The following RUNX3 variants were observed in gnomAD, a reference collection of about 807,000 sequenced individuals.
RUNX3 encodes RUNX family transcription factor 3, also known as runt-related transcription factor 3.
A neutral mutation model predicts 27.7 loss-of-function variants in RUNX3; 10 were observed. The ratio of observed to expected loss-of-function variants is 0.36; its 90% CI spans 0.22 to 0.61. RUNX3 has a LOEUF of 0.61. Ranked by LOEUF, RUNX3 falls within the 20% of genes least tolerant of loss-of-function variation. The pLI is 0.72. For missense variants in RUNX3, 469 were observed against 629.5 expected (o/e 0.75, Z 2.73); for synonymous variants, 270 against 269.2 (o/e 1.00, Z -0.03).
chr1:24,933,824 C>T (rs1225588716), upstream of RUNX3, among the ~76,000 whole-genome samples: 1 of 152,212 alleles, frequency 6.6e-6, no homozygotes, highest in Non-Finnish European at 1.5e-5. Context: ...CCTCTGTTCC[C>T]CATATCCCGA....
chr1:24,950,270 A>C (rs1434956876), intron 2 of RUNX3, among the ~76,000 whole-genome samples: 1 of 152,186 alleles, frequency 6.6e-6, no homozygotes, highest in Non-Finnish European at 1.5e-5. Flanking sequence ...CTTGTGCAGA[A>C]AGTGCAGACC....
chr1:24,902,068 G>T lies in RUNX3; in HGVS notation c.*54C>A. 1 of 1,437,698 alleles carries T rather than the reference G, an allele frequency of 7.0e-7. No homozygotes were observed. Among genetic ancestry groups the T allele is most frequent in the East Asian group, 2.5e-5 (1 of 40,536 alleles). 89.1% of individuals were successfully genotyped at this position (1,437,698 alleles called of 1,614,324 possible). A position where few individuals can be genotyped will look rare whatever the true frequency, so the allele number is the denominator to read the frequency against. ...GAGCCTCGGAGCCGGCCCATCACTG[G>T]TCTTGAAGGTTGTTAGGGTCCCCGC... On this transcript the variant is annotated 3_prime_UTR_variant, in exon 5 of 5. Coordinates refer to ENST00000308873, the MANE Select transcript of RUNX3 (RefSeq NM_004350.3). This position sits in a 1 kb window ranked among gnomAD's most constrained non-coding sequence, Gnocchi z 9.2.
chr1:24,960,907 T>G (rs1642093401), intron 2 of RUNX3, among the ~76,000 whole-genome samples: 1 of 151,770 alleles, frequency 6.6e-6, no homozygotes, highest in African/African-American at 2.4e-5. Flanking sequence ...GGAGAATAAA[T>G]CCCCCTTGTC....
At chr1:24,960,884 AT>A (rs2124389086) in intron 2 of RUNX3, among the ~76,000 whole-genome samples, 1 of 152,134 alleles carries the variant, frequency 6.6e-6, no homozygotes, top group South Asian at 2.1e-4. Flanking sequence ...CAGCTTCCCC[AT>A]TTGTCACACA....
At chr1:24,959,671 C>A (rs1005688926) in intron 2 of RUNX3, among the ~76,000 whole-genome samples, 1 of 152,130 alleles carries the variant, frequency 6.6e-6, no homozygotes, top group Non-Finnish European at 1.5e-5. Flanking sequence ...AGTGACTGAC[C>A]TCTCTGGTCT....
rs1303351326 is a variant in RUNX3 at position 24,927,186 on chromosome 1, C to A, written c.439+388G>T. Among the ~76,000 whole-genome samples, 3 of 152,162 alleles carry A rather than the reference C, an allele frequency of 2.0e-5. No homozygotes were observed. Among genetic ancestry groups the A allele is most frequent in the Admixed American group, 2.0e-4 (3 of 15,284 alleles). On this transcript the variant is annotated intron_variant, in intron 2 of 4. Coordinates refer to ENST00000308873, the MANE Select transcript of RUNX3 (RefSeq NM_004350.3). The surrounding 1 kb of genome is among the most constrained non-coding windows in gnomAD (Gnocchi z 5.0). ...GGAGAGAGTGGCTGGGGTGCTTGGGCCCCACAGATCAGGGACTTGTCCTGC... is the reference window on the plus strand; with the variant it reads ...GGAGAGAGTGGCTGGGGTGCTTGGGACCCACAGATCAGGGACTTGTCCTGC...
intron 3 of RUNX3, among the ~76,000 whole-genome samples, chr1:24,908,288 T>TGCG (rs1557837477): frequency 1.5e-3 from 190 of 125,094 alleles, no homozygotes; most frequent in African/African-American, 6.0e-3. Context: ...CTCTACGACA[T>TGCG]GTGGTGATCC....
chr1:24,908,158 C>CGACATGCGGTGATCCGAACCTCTAT (rs1640715710), intron 3 of RUNX3, among the ~76,000 whole-genome samples: 1 of 130,138 alleles, frequency 7.7e-6, no homozygotes, highest in Non-Finnish European at 1.6e-5. Flanking sequence ...CGAACCTCTA[C>CGACATGCGGTGATCCGAACCTCTAT]GACACGCGGT....
In RUNX3 at chr1:24,943,760, C is replaced by A. The variant is rs61774732; in HGVS notation, c.59-13908G>T. ...CTCCGCTGGTCCCTGAATGTCAGGCCCCCTGAGGGCAGGGTCCTCAGCCAG... is the reference window on the plus strand; with the variant it reads ...CTCCGCTGGTCCCTGAATGTCAGGCACCCTGAGGGCAGGGTCCTCAGCCAG... On this transcript the variant is annotated intron_variant, in intron 2 of 6. Transcript: ENST00000338888. The surrounding 1 kb of genome is among the most constrained non-coding windows in gnomAD (Gnocchi z 4.6). 0.11 allele frequency among the ~76,000 whole-genome samples: 16,603 copies of A among 152,196 alleles called. 964 individuals are homozygous for A. Among genetic ancestry groups the A allele is most frequent in the South Asian group, 0.16 (760 of 4,826 alleles).
intron 2 of RUNX3, among the ~76,000 whole-genome samples, chr1:24,939,031 A>T (rs558427774): frequency 6.6e-6 from 1 of 152,164 alleles, no homozygotes; most frequent in Non-Finnish European, 1.5e-5. Flanking sequence ...TTTCTCCCCA[A>T]TCGCATTTGG....
chr1:24,901,642 T>TA lies in RUNX3; in HGVS notation c.*479dup, dbSNP rs941988697. ...TTTCCAGTTCTGACTCAAATCTGTG[T>TA]AAATGCAGAGGGGGCTGGACCCAGG... On this transcript the variant is annotated 3_prime_UTR_variant, in exon 5 of 5. Transcript: ENST00000308873. 1.3e-5 allele frequency: 2 copies of TA among 158,674 alleles called. No homozygotes were observed. The highest frequency in any genetic ancestry group is 2.8e-5 in the Non-Finnish European group (2 of 72,444). The allele number at this position is 158,674 out of a possible 1,614,324, so 9.8% of individuals were successfully genotyped here. A position where few individuals can be genotyped will look rare whatever the true frequency, so the allele number is the denominator to read the frequency against.
Position 24,927,168 on chromosome 1 carries a change from G to A in RUNX3, c.439+406C>T, listed in dbSNP as rs532015902. ...GGATATTCTGCCCCCTATGGAGAGA[G>A]TGGCTGGGGTGCTTGGGCCCCACAG... On this transcript the variant is annotated intron_variant, in intron 2 of 4. Transcript: ENST00000308873. This position sits in a 1 kb window ranked among gnomAD's most constrained non-coding sequence, Gnocchi z 5.0. 6.6e-6 allele frequency among the ~76,000 whole-genome samples: 1 copy of A among 152,294 alleles called. No individual in the cohort carries two copies. The highest frequency in any genetic ancestry group is 1.9e-4 in the East Asian group (1 of 5,180).
intron 3 of RUNX3, among the ~76,000 whole-genome samples, chr1:24,907,860 A>G (rs1455080268): frequency 1.3e-5 from 2 of 150,978 alleles, no homozygotes; most frequent in East Asian, 3.9e-4. Context: ...AACCTCTACA[A>G]CACACTGTGA....
chr1:24,946,797 T>C (rs876109), intron 2 of RUNX3, among the ~76,000 whole-genome samples: 109,314 of 152,062 alleles, frequency 0.72, 40,665 homozygotes, highest in African/African-American at 0.92. Context: ...CCACTCCCAC[T>C]GGCAGCCTGG....
Position 24,900,981 on chromosome 1 carries a change from GCTT to G in RUNX3, c.*1138_*1140del, listed in dbSNP as rs1640529140. On this transcript the variant is annotated 3_prime_UTR_variant, in exon 5 of 5. Coordinates refer to ENST00000308873, the MANE Select transcript of RUNX3 (RefSeq NM_004350.3). ...CTTGTGTTTGAAAACGTTAGATTAA[GCTT>G]CTTTTTCTAAAATCAGTTTTAAAAA... 6.6e-6 allele frequency: 1 copy of G among 150,494 alleles called. No individual in the cohort carries two copies. Among genetic ancestry groups the G allele is most frequent in the South Asian group, 2.1e-4 (1 of 4,740 alleles). The allele number at this position is 150,494 out of a possible 1,614,324, so 9.3% of individuals were successfully genotyped here.
chr1:24,904,365 C>T lies in RUNX3; in HGVS notation c.704-1699G>A, dbSNP rs1640621440. Among the ~76,000 whole-genome samples the T allele has an allele frequency of 6.6e-6, 1 of 152,194 alleles. No homozygotes were observed. The highest frequency in any genetic ancestry group is 2.4e-5 in the African/African-American group (1 of 41,454). ...CGTACTCTGGCCCTGGGCGTGGATC[C>T]GAACGGAGTGATGCTCCTGGCTTAA... On this transcript the variant is annotated intron_variant, in intron 4 of 4. Coordinates refer to ENST00000308873, the MANE Select transcript of RUNX3 (RefSeq NM_004350.3). The surrounding 1 kb of genome is among the most constrained non-coding windows in gnomAD (Gnocchi z 5.7).
intron 2 of RUNX3, among the ~76,000 whole-genome samples, chr1:24,919,733 T>C (rs957059238): frequency 6.6e-6 from 1 of 151,052 alleles, no homozygotes; most frequent in Non-Finnish European, 1.5e-5. Flanking sequence ...ATACAAAATA[T>C]AAATAAAGAA....
chr1:24,905,994 C>T (rs1283284620), intron 4 of RUNX3, among the ~76,000 whole-genome samples: 1 of 152,274 alleles, frequency 6.6e-6, no homozygotes. Context: ...TTCTCCCAAC[C>T]TTGGCGTCTC....
At chr1:24,939,985 G>T (rs11249205) in intron 2 of RUNX3, among the ~76,000 whole-genome samples, 20,664 of 152,216 alleles carry the variant, frequency 0.14, 2,610 homozygotes, top group African/African-American at 0.3. Context: ...ACCCCCAGGG[G>T]CCTCAGCATG....
Sources: allele counts gnomAD v4.1 joint callset (sites outside exome capture counted in the v4.1 genomes callset), GRCh38; gene constraint gnomAD v4.1.1; non-coding constraint Gnocchi (gnomAD v3.1); transcripts MANE v1.5; gene names NCBI Gene and HGNC (gene_info 2026-07-23, HGNC 2026-07-21).